Variants in SEMA5A observed in about 807,000 individuals in gnomAD.
SEMA5A encodes the protein semaphorin-5A.
SEMA5A carries 55 observed loss-of-function variants against 135.5 expected under a neutral mutation model. The ratio of observed to expected loss-of-function variants is 0.41; its 90% confidence interval spans 0.33 to 0.51. The LOEUF is 0.51. Ranked by LOEUF, SEMA5A falls within the 20% of genes least tolerant of loss-of-function variation. SEMA5A has a pLI of 0.37. For missense variants in SEMA5A, 1,290 were observed against 1,419.9 expected (o/e 0.91, Z 1.47); for synonymous variants, 580 against 546.5 (o/e 1.06, Z -0.85).
chr5:9,180,974 A>G (rs1209282035), intron 11 of SEMA5A, among the ~76,000 whole-genome samples: 7 of 152,222 alleles, frequency 4.6e-5, no homozygotes, highest in Non-Finnish European at 1.0e-4. Context: ...GCAAGCAACC[A>G]TAAAAAGATA....
chr5:9,332,973 G>A (rs549880295), intron 4 of SEMA5A, among the ~76,000 whole-genome samples: 47 of 152,270 alleles, frequency 3.1e-4, no homozygotes, highest in Middle Eastern at 3.4e-3. Flanking sequence ...GCTTACAGAC[G>A]AACTTTCTTA....
intron 15 of SEMA5A, among the ~76,000 whole-genome samples, chr5:9,115,504 G>A (rs1740463730): frequency 1.3e-5 from 2 of 152,148 alleles, no homozygotes. Flanking sequence ...GTTATCCTTT[G>A]CCTGACTCTC....
At position 9,046,579 on chromosome 5, in the gene SEMA5A, A is replaced by C. The variant is rs187613001; in HGVS notation, c.2894-1995T>G. 1.3e-4 allele frequency among the ~76,000 whole-genome samples: 20 copies of C among 152,332 alleles called. No homozygotes were observed. The East Asian group carries it at 3.9e-3, about 29-fold the overall frequency. Reference sequence around the variant, plus strand: ...TTTGAGTCCTTCCTGAACCTCATGCAACCCTCCAGTGGCTGATAGGCCCCA... The same window carrying C: ...TTTGAGTCCTTCCTGAACCTCATGCCACCCTCCAGTGGCTGATAGGCCCCA... On this transcript the variant is annotated intron_variant, in intron 21 of 22. Transcript: ENST00000382496.
chr5:9,246,745 T>C (rs181061727), intron 5 of SEMA5A, among the ~76,000 whole-genome samples: 24 of 152,260 alleles, frequency 1.6e-4, no homozygotes, highest in African/African-American at 5.5e-4. Flanking sequence ...AAGCAGCATG[T>C]TAGCATGGGA....
intron 16 of SEMA5A, among the ~76,000 whole-genome samples, chr5:9,074,255 G>A (rs1309938918): frequency 6.6e-6 from 1 of 152,170 alleles, no homozygotes; most frequent in African/African-American, 2.4e-5. Context: ...AGAAAGCATA[G>A]TCTCTTCTGA....
intron 2 of SEMA5A, among the ~76,000 whole-genome samples, chr5:9,390,732 T>C (rs556549367): frequency 6.7e-6 from 1 of 150,034 alleles, no homozygotes; most frequent in African/African-American, 2.4e-5. Flanking sequence ...TTTTGGTGAG[T>C]ATATTAAAAA....
At chr5:9,066,710 C>A in intron 16 of SEMA5A, 64 bp from the exon 17 acceptor site, 1 of 1,429,670 alleles carries the variant, frequency 7.0e-7, no homozygotes, top group Non-Finnish European at 9.8e-7. Flanking sequence ...ACGAAGGGCT[C>A]CTTTCCTTTA....
At chr5:9,348,390 A>G (rs771855263) in intron 3 of SEMA5A, among the ~76,000 whole-genome samples, 25 of 152,220 alleles carry the variant, frequency 1.6e-4, no homozygotes, top group Non-Finnish European at 3.2e-4. Flanking sequence ...TTCATATATT[A>G]TAACACAAAC....
At chr5:9,198,851 G>A (rs1745554289) in intron 9 of SEMA5A, among the ~76,000 whole-genome samples, 1 of 152,144 alleles carries the variant, frequency 6.6e-6, no homozygotes, top group Non-Finnish European at 1.5e-5. Flanking sequence ...ATCCCATCCA[G>A]GCATGCCTTG....
chr5:9,325,229 A>G (rs1016142677), intron 4 of SEMA5A, among the ~76,000 whole-genome samples: 1 of 144,248 alleles, frequency 6.9e-6, no homozygotes, highest in African/African-American at 2.8e-5. Flanking sequence ...TGCCTGTGGT[A>G]TGGATCTACT....
At chr5:9,293,437 A>G (rs1440295927) in intron 5 of SEMA5A, among the ~76,000 whole-genome samples, 1 of 152,222 alleles carries the variant, frequency 6.6e-6, no homozygotes, top group East Asian at 1.9e-4. Context: ...TTAATTTCCA[A>G]GAGGAAGTTA....
intron 5 of SEMA5A, among the ~76,000 whole-genome samples, chr5:9,273,537 T>A (rs1750098622): frequency 6.6e-6 from 1 of 151,714 alleles, no homozygotes; most frequent in South Asian, 2.1e-4. Flanking sequence ...CACATAAATG[T>A]CAGATTCACC....
chr5:9,241,835 T>C (rs1057238262), intron 5 of SEMA5A, among the ~76,000 whole-genome samples: 1 of 152,186 alleles, frequency 6.6e-6, no homozygotes, highest in Non-Finnish European at 1.5e-5. Context: ...CTGTGTATTA[T>C]CACACTCCAC....
intron 13 of SEMA5A, among the ~76,000 whole-genome samples, chr5:9,133,482 A>G (rs1741552970): frequency 1.3e-5 from 2 of 152,166 alleles, no homozygotes; most frequent in South Asian, 4.1e-4. Context: ...ATTGGGTGGG[A>G]TGACAGACAT....
chr5:9,291,022 A>T (rs1751049103), intron 5 of SEMA5A, among the ~76,000 whole-genome samples: 1 of 152,178 alleles, frequency 6.6e-6, no homozygotes. Context: ...ATCAACTTAC[A>T]TTTTAATATT....
chr5:9,330,263 G>A (rs1362143991), intron 4 of SEMA5A, among the ~76,000 whole-genome samples: 3 of 151,836 alleles, frequency 2.0e-5, no homozygotes, highest in South Asian at 2.1e-4. Context: ...GGTAGCGGGC[G>A]CCTGTAGTCC....
intron 1 of SEMA5A, among the ~76,000 whole-genome samples, chr5:9,455,545 C>T (rs757522611): frequency 2.4e-4 from 37 of 152,126 alleles, no homozygotes; most frequent in African/African-American, 4.3e-4. Flanking sequence ...CATGAGCCAC[C>T]GCGCCCAGCC....
intron 11 of SEMA5A, among the ~76,000 whole-genome samples, chr5:9,183,394 T>C (rs1265547564): frequency 6.6e-6 from 1 of 152,146 alleles, no homozygotes; most frequent in Non-Finnish European, 1.5e-5. Flanking sequence ...TACCAGCTCT[T>C]CCAGCACCTG....
At chr5:9,190,140 TTTGCTGG>T (rs996475693) in intron 11 of SEMA5A, 120 bp downstream of exon 11, 1 of 920,184 alleles carries the variant, frequency 1.1e-6, no homozygotes, top group Non-Finnish European at 1.7e-6. Context: ...CATCGCGGGT[TTTGCTGG>T]TTGCAAAAAG....
Sources: allele counts gnomAD v4.1 joint callset (sites outside exome capture counted in the v4.1 genomes callset), GRCh38; gene constraint gnomAD v4.1.1; transcripts MANE v1.5; gene names NCBI Gene and HGNC (gene_info 2026-07-23, HGNC 2026-07-21).